The following FIG4 variants were observed in gnomAD, a reference collection of about 807,000 sequenced individuals.
FIG4 encodes the protein polyphosphoinositide phosphatase.
FIG4 carries 112 observed loss-of-function variants against 118.6 expected under a neutral mutation model. The ratio of observed to expected loss-of-function variants is 0.94; its 90% CI spans 0.81 to 1.11. The LOEUF (loss-of-function observed/expected upper bound fraction) is 1.11. Ranked by LOEUF, FIG4 falls within the 50% of genes least tolerant of loss-of-function variation. The pLI is 0.00. For synonymous variants in FIG4, 369 were observed against 381.2 expected (o/e 0.97, Z 0.37); for missense variants, 969 against 1,111.7 (o/e 0.87, Z 1.83).
rs1287466736 is a variant in FIG4 at position 109,744,516 on chromosome 6, GTC to G, written c.1137+745_1137+746del. On this transcript the variant is annotated intron_variant, in intron 10 of 22. Coordinates refer to ENST00000230124, the MANE Select transcript of FIG4 (RefSeq NM_014845.6). ...TGTTATGTTATGTGCTCTTGGTGGT[GTC>G]CAACAATCTAGTAGTGTCTGAGGTT... Among the ~76,000 whole-genome samples the G allele has an allele frequency of 2.3e-3, 345 of 152,136 alleles. 1 individual carries two copies. The highest frequency in any genetic ancestry group is 4.3e-3 in the Admixed American group (66 of 15,268).
At chr6:109,771,854 G>A (rs1397448127) in intron 15 of FIG4, among the ~76,000 whole-genome samples, 1 of 152,064 alleles carries the variant, frequency 6.6e-6, no homozygotes, top group African/African-American at 2.4e-5. Context: ...GCTTGTTGCT[G>A]TACATCATCA....
chr6:109,804,599 A>T (rs1778513983), intron 22 of FIG4, among the ~76,000 whole-genome samples: 1 of 152,212 alleles, frequency 6.6e-6, no homozygotes, highest in South Asian at 2.1e-4. Flanking sequence ...AAAATTTACC[A>T]ACAGATCTTT....
intron 16 of FIG4, among the ~76,000 whole-genome samples, chr6:109,778,616 G>A (rs1049334328): frequency 4.0e-5 from 6 of 150,990 alleles, no homozygotes; most frequent in Admixed American, 6.6e-5. Flanking sequence ...TGTTTTTTTC[G>A]GAGACAGAGC....
chr6:109,807,187 G>A (rs921585097), intron 22 of FIG4, among the ~76,000 whole-genome samples: 3 of 152,092 alleles, frequency 2.0e-5, no homozygotes, highest in Admixed American at 1.3e-4. Context: ...ATCGTCACAC[G>A]GTCTTCCACA....
chr6:109,767,490 A>G (rs1381190772), intron 15 of FIG4, among the ~76,000 whole-genome samples: 3 of 152,218 alleles, frequency 2.0e-5, no homozygotes, highest in Admixed American at 6.5e-5. Context: ...TTATGAAGGA[A>G]GTGCTCAGTG....
chr6:109,812,980 A>T (rs1778762950), intron 22 of FIG4, among the ~76,000 whole-genome samples: 1 of 152,184 alleles, frequency 6.6e-6, no homozygotes, highest in African/African-American at 2.4e-5. Context: ...GAATTTCATT[A>T]TCTTTGGTGT....
intron 1 of FIG4, among the ~76,000 whole-genome samples, chr6:109,705,580 T>C (rs1463208423): frequency 6.6e-6 from 1 of 152,246 alleles, no homozygotes; most frequent in East Asian, 1.9e-4. Context: ...CTCTGATTCA[T>C]GGATTCTTTG....
chr6:109,716,325 A>G (rs1006370200), intron 2 of FIG4, 120 bp from the exon 3 acceptor site: 6 of 991,514 alleles, frequency 6.1e-6, no homozygotes, highest in Middle Eastern at 2.3e-4. Context: ...GTGTACTATT[A>G]TATACTTCTG....
chr6:109,724,125 G>A (rs527415673), intron 3 of FIG4, among the ~76,000 whole-genome samples: 4 of 152,000 alleles, frequency 2.6e-5, no homozygotes, highest in African/African-American at 9.6e-5. Context: ...GGTGGGAGGA[G>A]GTTCCACGAA....
At chr6:109,743,346 C>T (rs1776384363) in intron 9 of FIG4, 74 bp downstream of exon 9, 1 of 1,439,706 alleles carries the variant, frequency 6.9e-7, no homozygotes, top group South Asian at 1.2e-5. Context: ...TCACAGAAAT[C>T]TCATAAATGC....
intron 15 of FIG4, among the ~76,000 whole-genome samples, chr6:109,767,829 G>A (rs1028318070): frequency 2.0e-5 from 3 of 151,992 alleles, no homozygotes; most frequent in African/African-American, 4.8e-5. Flanking sequence ...CCGAGATCGC[G>A]CCACTGCACT....
chr6:109,752,166 A>T lies in FIG4; in HGVS notation c.1138-8084A>T, dbSNP rs536486703. ...ATCCATGCCCCTACAAAGGACATGA[A>T]TTCATCATTTTTTATGGCTGCATAG... On this transcript the variant is annotated intron_variant, in intron 10 of 22. Coordinates refer to ENST00000230124, the MANE Select transcript of FIG4 (RefSeq NM_014845.6). Among the ~76,000 whole-genome samples, 6 of 151,830 alleles carry T rather than the reference A, an allele frequency of 4.0e-5. No individual in the cohort carries two copies. In the South Asian group the frequency reaches 1.3e-3, roughly 32 times the overall value.
Position 109,825,293 on chromosome 6 carries a change from C to G in FIG4, c.*28C>G. ...AGAGCGCAGGTCCACCTGGTGGACA[C>G]GTCTGATTAGCTTAGAACCTGTCTT... On this transcript the variant is annotated 3_prime_UTR_variant, in exon 23 of 23. Coordinates refer to ENST00000230124, the MANE Select transcript of FIG4 (RefSeq NM_014845.6). The G allele has an allele frequency of 6.2e-7, 1 of 1,600,178 alleles. No homozygotes were observed. Among genetic ancestry groups the G allele is most frequent in the Non-Finnish European group, 8.6e-7 (1 of 1,167,546 alleles).
At chr6:109,812,140 G>A (rs1322188703) in intron 22 of FIG4, among the ~76,000 whole-genome samples, 2 of 152,128 alleles carry the variant, frequency 1.3e-5, no homozygotes, top group African/African-American at 2.4e-5. Context: ...CTGCCACCTT[G>A]TGAAGAAGGT....
intron 22 of FIG4, among the ~76,000 whole-genome samples, chr6:109,808,331 C>G (rs973059529): frequency 2.5e-5 from 3 of 118,192 alleles, no homozygotes; most frequent in African/African-American, 6.5e-5. Flanking sequence ...TTATTTTCTT[C>G]ACTCCTACAC....
At chr6:109,703,626 C>T (rs1477856769) in intron 1 of FIG4, among the ~76,000 whole-genome samples, 1 of 152,168 alleles carries the variant, frequency 6.6e-6, no homozygotes, top group Non-Finnish European at 1.5e-5. Context: ...GGTGTCCACT[C>T]CTCCATCTTT....
At chr6:109,743,356 C>A in intron 9 of FIG4, 84 bp downstream of exon 9, 1 of 1,390,490 alleles carries the variant, frequency 7.2e-7, no homozygotes, top group Non-Finnish European at 1.0e-6. Context: ...CTCATAAATG[C>A]TTAGGTTTTC....
At position 109,692,964 on chromosome 6, in the gene FIG4, A is replaced by G. The variant is rs2082275299; in HGVS notation, c.66+1463A>G. On this transcript the variant is annotated intron_variant, in intron 1 of 22. Coordinates refer to ENST00000230124, the MANE Select transcript of FIG4 (RefSeq NM_014845.6). ...CTCCCAAAGTGTTGGGATTACAGGCATGAGCCACCGCATCTGGCCGTAAAT... is the reference window on the plus strand; with the variant it reads ...CTCCCAAAGTGTTGGGATTACAGGCGTGAGCCACCGCATCTGGCCGTAAAT... Among the ~76,000 whole-genome samples the G allele has an allele frequency of 2.0e-5, 3 of 152,224 alleles. No homozygotes were observed. In the South Asian group the frequency reaches 6.2e-4, roughly 31 times the overall value.
At chr6:109,763,549 G>A (rs536208852) in intron 12 of FIG4, among the ~76,000 whole-genome samples, 2 of 152,348 alleles carry the variant, frequency 1.3e-5, no homozygotes, top group East Asian at 1.9e-4. Flanking sequence ...CTAATGTTGA[G>A]TTGGGAAGGC....
Sources: allele counts gnomAD v4.1 joint callset (sites outside exome capture counted in the v4.1 genomes callset), GRCh38; gene constraint gnomAD v4.1.1; transcripts MANE v1.5; gene names NCBI Gene and HGNC (gene_info 2026-07-23, HGNC 2026-07-21).